The following RIMS1 variants were observed in gnomAD, a reference collection of about 807,000 sequenced individuals.
RIMS1 encodes the protein regulating synaptic membrane exocytosis 1, also known as regulating synaptic membrane exocytosis protein 1.
In RIMS1, 83 loss-of-function variants were observed where a neutral mutation model predicts 214.1. The observed-to-expected ratio is 0.39, with a 90% CI of 0.32 to 0.47. The LOEUF is 0.47. Among genes scored for constraint, RIMS1 ranks in the 20% least tolerant of loss-of-function variants. The pLI, the probability that RIMS1 is intolerant of heterozygous loss-of-function variation, is 0.99. For synonymous variants in RIMS1, 793 were observed against 786.8 expected (o/e 1.01, Z -0.13); for missense variants, 2,050 against 2,161.8 (o/e 0.95, Z 1.03).
rs925239222 is a variant in RIMS1, at chr6:72,251,261, G to C, written c.2591G>C (p.Trp864Ser). Residue 864 changes from tryptophan to serine, a missense_variant, in exon 15 of 34, where the codon TGG becomes TCG. This residue lies in a region of RIMS1 where 889 missense variants were observed against 885.5 expected (regional missense o/e 1.00). Coordinates refer to ENST00000521978, the MANE Select transcript of RIMS1 (RefSeq NM_014989.7). ...ETALLDDEPH[W>S]YKLQTHDESS... ...GCGCTTTTAGATGATGAACCGCATTGGTATAAACTTCAGACACATGATGAG... is the reference window on the plus strand; with the variant it reads ...GCGCTTTTAGATGATGAACCGCATTCGTATAAACTTCAGACACATGATGAG... 6.3e-7 allele frequency: 1 copy of C among 1,598,606 alleles called. No individual in the cohort carries two copies. The highest frequency in any genetic ancestry group is 8.5e-7 in the Non-Finnish European group (1 of 1,171,696).
intron 1 of RIMS1, among the ~76,000 whole-genome samples, chr6:71,939,055 T>C (rs1444046644): frequency 6.6e-6 from 1 of 152,254 alleles, no homozygotes; most frequent in Non-Finnish European, 1.5e-5. Context: ...TAGGTATTTC[T>C]TCTATCAGAT....
intron 29 of RIMS1, among the ~76,000 whole-genome samples, chr6:72,381,759 G>T (rs543383197): frequency 2.6e-5 from 4 of 152,302 alleles, no homozygotes; most frequent in South Asian, 2.1e-4. Context: ...AGGCTTTATA[G>T]TCAATCATAG....
intron 23 of RIMS1, among the ~76,000 whole-genome samples, chr6:72,276,638 AAAAT>A (rs1158774449): frequency 5.3e-5 from 8 of 152,116 alleles, no homozygotes; most frequent in Admixed American, 6.5e-5. Flanking sequence ...ATGTTCGACC[AAAAT>A]AAATACACTT....
intron 2 of RIMS1, among the ~76,000 whole-genome samples, chr6:72,010,862 A>G (rs887465860): frequency 3.3e-5 from 5 of 152,256 alleles, no homozygotes; most frequent in African/African-American, 1.2e-4. Context: ...TTCCATATTC[A>G]TGGGTAGGAA....
At chr6:72,201,218 G>A (rs553847469) in intron 6 of RIMS1, among the ~76,000 whole-genome samples, 4 of 152,122 alleles carry the variant, frequency 2.6e-5, no homozygotes, top group East Asian at 1.9e-4. Context: ...ATTAACATCA[G>A]GGCTACATTT....
intron 23 of RIMS1, among the ~76,000 whole-genome samples, chr6:72,282,254 A>G (rs1749581567): frequency 6.6e-6 from 1 of 151,946 alleles, no homozygotes; most frequent in Admixed American, 6.6e-5. Context: ...TCTAATTACT[A>G]ATCCTTTCTT....
intron 1 of RIMS1, among the ~76,000 whole-genome samples, chr6:71,911,155 T>C (rs979484482): frequency 1.3e-5 from 2 of 152,194 alleles, no homozygotes; most frequent in Non-Finnish European, 2.9e-5. Flanking sequence ...CATTGAATTA[T>C]GCAGTTCTGT....
chr6:72,150,533 A>G (rs2043403723), intron 4 of RIMS1, among the ~76,000 whole-genome samples: 1 of 152,204 alleles, frequency 6.6e-6, no homozygotes, highest in Non-Finnish European at 1.5e-5. Flanking sequence ...TTTGTGAGGA[A>G]AAATATTCAA....
intron 4 of RIMS1, among the ~76,000 whole-genome samples, chr6:72,132,130 G>A (rs1014172893): frequency 5.9e-5 from 9 of 152,078 alleles, no homozygotes; most frequent in African/African-American, 1.4e-4. Flanking sequence ...GTCCTGAGGC[G>A]ACATACATCC....
At chr6:72,271,598 G>C (rs553931236) in intron 22 of RIMS1, among the ~76,000 whole-genome samples, 1 of 151,966 alleles carries the variant, frequency 6.6e-6, no homozygotes, top group African/African-American at 2.4e-5. Context: ...GCAAGTACAG[G>C]TATTAATAAT....
intron 10 of RIMS1, among the ~76,000 whole-genome samples, chr6:72,245,546 A>G (rs1383707222): frequency 6.6e-6 from 1 of 152,154 alleles, no homozygotes; most frequent in African/African-American, 2.4e-5. Flanking sequence ...GGTAGTAAAA[A>G]TATTGTGGTG....
intron 6 of RIMS1, among the ~76,000 whole-genome samples, chr6:72,190,844 A>G (rs2153980680): frequency 6.6e-6 from 1 of 152,306 alleles, no homozygotes; most frequent in South Asian, 2.1e-4. Context: ...TAGGCAGTTC[A>G]GGTTGCGTGG....
In RIMS1 at chr6:72,172,950, T is replaced by G. The variant is rs534071851; in HGVS notation, c.472-6625T>G. On this transcript the variant is annotated intron_variant, in intron 4 of 33. Coordinates refer to ENST00000521978, the MANE Select transcript of RIMS1 (RefSeq NM_014989.7). Reference sequence around the variant, plus strand: ...TTCATCATGGGACTTCCCTTAACATTTGCTCTTCTGTGAAAACCATTTGCT... The same window carrying G: ...TTCATCATGGGACTTCCCTTAACATGTGCTCTTCTGTGAAAACCATTTGCT... Among the ~76,000 whole-genome samples the G allele has an allele frequency of 3.0e-4, 45 of 152,260 alleles. No homozygotes were observed. In the South Asian group the frequency reaches 8.9e-3, roughly 30 times the overall value.
chr6:72,007,487 G>A (rs1412795741), intron 2 of RIMS1, among the ~76,000 whole-genome samples: 5 of 152,198 alleles, frequency 3.3e-5, no homozygotes, highest in East Asian at 1.9e-4. Context: ...TGACTTTGAC[G>A]AGCTGAGAGA....
In RIMS1 at chr6:72,182,938, C is replaced by G. The variant is rs763054842; in HGVS notation, c.1467C>G (p.Arg489=). ...SSAVLMRKAK[R]EKVETMLRND... is the part of the protein sequence containing the mutation. ...CGGTCCTCATGCGGAAGGCCAAGCG[C>G]GAGAAGGTGGAGACCATGCTGCGGA... Residue 489 remains arginine, a synonymous_variant, in exon 6 of 34, where the codon CGC becomes CGG. Coordinates refer to ENST00000521978, the MANE Select transcript of RIMS1 (RefSeq NM_014989.7). The G allele has an allele frequency of 6.3e-7, 1 of 1,588,064 alleles. No individual in the cohort carries two copies. Among genetic ancestry groups the G allele is most frequent in the South Asian group, 1.1e-5 (1 of 86,984 alleles).
In RIMS1 at chr6:71,995,992, G is replaced by A. The variant is rs140963046; in HGVS notation, c.245+26929G>A. On this transcript the variant is annotated intron_variant, in intron 2 of 33. Coordinates refer to ENST00000521978, the MANE Select transcript of RIMS1 (RefSeq NM_014989.7). ...AATAGAGACGGAATTTCATCATGTT[G>A]GCCAGGCTGGTCTCAAACTCCTGAC... Among the ~76,000 whole-genome samples the A allele has an allele frequency of 2.8e-3, 428 of 152,092 alleles. 1 individual carries two copies. The highest frequency in any genetic ancestry group is 9.9e-3 in the African/African-American group (411 of 41,514).
intron 2 of RIMS1, among the ~76,000 whole-genome samples, chr6:72,033,236 C>T (rs1026574096): frequency 3.3e-5 from 5 of 152,196 alleles, no homozygotes; most frequent in African/African-American, 1.2e-4. Flanking sequence ...CACTAACCAT[C>T]CAAATTAAAG....
chr6:72,007,776 A>C (rs1205697158), intron 2 of RIMS1, among the ~76,000 whole-genome samples: 1 of 152,216 alleles, frequency 6.6e-6, no homozygotes, highest in Non-Finnish European at 1.5e-5. Flanking sequence ...TTTAGAGAAA[A>C]AGAATAAAAA....
chr6:72,003,056 G>T (rs1288100741), intron 2 of RIMS1, among the ~76,000 whole-genome samples: 1 of 152,112 alleles, frequency 6.6e-6, no homozygotes, highest in Non-Finnish European at 1.5e-5. Flanking sequence ...TTACAGGGTG[G>T]CCAGATTATA....
Sources: gnomAD v4.1 joint callset for allele counts (sites outside exome capture counted in the v4.1 genomes callset) on GRCh38, gnomAD v4.1.1 for gene constraint, gnomAD v4.1.1 regional missense constraint, MANE v1.5 for transcripts, NCBI Gene and HGNC (gene_info 2026-07-23, HGNC 2026-07-21) for gene names.